The following SNX18 variants were observed in gnomAD, a reference collection of about 807,000 sequenced individuals.
SNX18 encodes the protein sorting nexin-18.
SNX18 carries 35 observed loss-of-function variants against 48.7 expected under a neutral mutation model. That is an observed-to-expected ratio of 0.72 (90% CI 0.55 to 0.95). SNX18 has a LOEUF of 0.95. Among genes scored for constraint, SNX18 ranks in the 40% least tolerant of loss-of-function variants. SNX18 has a pLI of 0.00. For missense variants in SNX18, 824 were observed against 871.0 expected (o/e 0.95, Z 0.68); for synonymous variants, 492 against 384.7 (o/e 1.28, Z -3.26).
At chr5:54,520,038 C>G in intron 1 of SNX18, 1 of 520,998 alleles carries the variant, frequency 1.9e-6, no homozygotes, top group South Asian at 3.5e-5. Context: ...CCACACCTCT[C>G]AATCTCTGCT....
the SNX18 span, among the ~76,000 whole-genome samples, chr5:54,612,231 A>T: frequency 3.3e-5 from 5 of 150,928 alleles, no homozygotes; most frequent in South Asian, 1.0e-3. Context: ...GATTCTTTCC[A>T]ATTTTCCTCT....
chr5:54,563,156 G>A, the SNX18 span, among the ~76,000 whole-genome samples: 1 of 152,100 alleles, frequency 6.6e-6, no homozygotes, highest in East Asian at 1.9e-4. Flanking sequence ...GTAAGCTAAG[G>A]TTAGTTTATT....
intron 1 of SNX18, among the ~76,000 whole-genome samples, chr5:54,538,392 C>G (rs76725981): frequency 0.015 from 2,344 of 152,284 alleles, 61 homozygotes; most frequent in African/African-American, 0.053. Flanking sequence ...GTGTTAAACA[C>G]TCATGCTCTC....
downstream of SNX18, among the ~76,000 whole-genome samples, chr5:54,546,763 C>G (rs1762582692): frequency 6.6e-6 from 1 of 152,196 alleles, no homozygotes; most frequent in Non-Finnish European, 1.5e-5. Context: ...CATCATCATT[C>G]AGATAGTCCC....
chr5:54,522,741 G>A (rs1432412711), intron 1 of SNX18, among the ~76,000 whole-genome samples: 1 of 141,654 alleles, frequency 7.1e-6, no homozygotes, highest in African/African-American at 2.5e-5. Context: ...TGAGAACCCA[G>A]CTGCAAAATG....
the SNX18 span, among the ~76,000 whole-genome samples, chr5:54,563,237 A>C: frequency 2.6e-5 from 4 of 152,212 alleles, no homozygotes; most frequent in Non-Finnish European, 5.9e-5. Flanking sequence ...AAAGTCTACC[A>C]TGGTGTACAG....
chr5:54,522,944 G>A (rs1432988699), intron 1 of SNX18, among the ~76,000 whole-genome samples: 1 of 152,186 alleles, frequency 6.6e-6, no homozygotes, highest in African/African-American at 2.4e-5. Context: ...AACGGATGGA[G>A]TCTAACTATT....
chr5:54,645,073 T>C, the SNX18 span: 1 of 152,210 alleles, frequency 6.6e-6, no homozygotes, highest in Non-Finnish European at 1.5e-5. Flanking sequence ...TGGGAAGCAC[T>C]GCTCCAGATG....
chr5:54,632,048 T>C, the SNX18 span, among the ~76,000 whole-genome samples: 1 of 152,164 alleles, frequency 6.6e-6, no homozygotes, highest in South Asian at 2.1e-4. Flanking sequence ...AAGCCTGGCA[T>C]GTCCTTGCCC....
the SNX18 span, among the ~76,000 whole-genome samples, chr5:54,616,676 C>T: frequency 4.0e-5 from 6 of 151,756 alleles, no homozygotes; most frequent in Non-Finnish European, 5.9e-5. Context: ...GGCTGAGGCA[C>T]GAGAATCTCT....
intron 1 of SNX18, among the ~76,000 whole-genome samples, chr5:54,538,169 C>A (rs1762392102): frequency 6.6e-6 from 1 of 152,166 alleles, no homozygotes. Flanking sequence ...ACTGTAAGAA[C>A]CCAATCATTT....
the SNX18 span, among the ~76,000 whole-genome samples, chr5:54,580,952 G>T: frequency 2.6e-5 from 4 of 152,178 alleles, no homozygotes; most frequent in South Asian, 4.1e-4. Flanking sequence ...TGGGGTCAGG[G>T]GTTCTTCAGA....
chr5:54,573,136 C>T, the SNX18 span, among the ~76,000 whole-genome samples: 1 of 152,004 alleles, frequency 6.6e-6, no homozygotes, highest in Admixed American at 6.6e-5. Context: ...ATAATAATAT[C>T]GATTCTTGCA....
the SNX18 span, among the ~76,000 whole-genome samples, chr5:54,590,472 C>T: frequency 6.6e-6 from 1 of 152,082 alleles, no homozygotes; most frequent in Non-Finnish European, 1.5e-5. Flanking sequence ...ACAGATAAGG[C>T]CTGTCTCCCT....
the SNX18 span, among the ~76,000 whole-genome samples, chr5:54,605,624 T>C: frequency 6.6e-6 from 1 of 152,332 alleles, no homozygotes; most frequent in East Asian, 1.9e-4. Context: ...ATAATCAACA[T>C]AAAAATTATT....
chr5:54,558,974 C>T, the SNX18 span, among the ~76,000 whole-genome samples: 2 of 150,942 alleles, frequency 1.3e-5, no homozygotes, highest in Non-Finnish European at 2.9e-5. Context: ...TGTATATTCA[C>T]AATTGCTACC....
the SNX18 span, among the ~76,000 whole-genome samples, chr5:54,574,742 T>C: frequency 2.6e-5 from 4 of 151,894 alleles, no homozygotes; most frequent in African/African-American, 9.7e-5. Context: ...TGGGCTGCCA[T>C]GTTTGGGGAT....
chr5:54,575,409 G>A, the SNX18 span, among the ~76,000 whole-genome samples: 2 of 115,052 alleles, frequency 1.7e-5, no homozygotes, highest in African/African-American at 3.5e-5. Context: ...GTCTTGCTCT[G>A]TCACCCAGGC....
At chr5:54,596,761 T>C in the SNX18 span, among the ~76,000 whole-genome samples, 1 of 152,152 alleles carries the variant, frequency 6.6e-6, no homozygotes, top group Non-Finnish European at 1.5e-5. Flanking sequence ...TCTCTATAGA[T>C]TTTTACAGCA....
Sources: allele counts gnomAD v4.1 joint callset (sites outside exome capture counted in the v4.1 genomes callset), GRCh38; gene constraint gnomAD v4.1.1; transcripts MANE v1.5; gene names NCBI Gene and HGNC (gene_info 2026-07-23, HGNC 2026-07-21).